Variants in WRN observed in about 807,000 individuals in gnomAD.
The protein encoded by WRN is bifunctional 3'-5' exonuclease/ATP-dependent helicase WRN.
Under a neutral mutation model 180.7 loss-of-function variants are expected in WRN, and 149 were observed. That is an observed-to-expected ratio of 0.82 (90% confidence interval 0.72 to 0.94). WRN has a LOEUF of 0.94. Ranked by LOEUF, WRN falls within the 40% of genes least tolerant of loss-of-function variation. The pLI is 0.00. For synonymous variants in WRN, 548 were observed against 568.9 expected (o/e 0.96, Z 0.52); for missense variants, 1,661 against 1,700.1 (o/e 0.98, Z 0.40).
intron 32 of WRN, among the ~76,000 whole-genome samples, chr8:31,155,347 G>A (rs918774850): frequency 2.6e-5 from 4 of 152,202 alleles, no homozygotes; most frequent in African/African-American, 9.7e-5. Context: ...CGTAGGCCGG[G>A]TGTGGTGGCT....
chr8:31,078,589 TTAAAA>T (rs1341407790), intron 8 of WRN, among the ~76,000 whole-genome samples: 2 of 152,190 alleles, frequency 1.3e-5, no homozygotes, highest in East Asian at 1.9e-4. Flanking sequence ...CTAAGAACTC[TTAAAA>T]TAGAACGGTT....
At chr8:31,123,266 C>G (rs754451299) in intron 21 of WRN, among the ~76,000 whole-genome samples, 1 of 151,982 alleles carries the variant, frequency 6.6e-6, no homozygotes, top group Non-Finnish European at 1.5e-5. Flanking sequence ...TTAAGAATGA[C>G]CCCAAAGCAC....
intron 33 of WRN, among the ~76,000 whole-genome samples, chr8:31,158,821 C>T (rs539375595): frequency 2.6e-5 from 4 of 152,096 alleles, no homozygotes; most frequent in South Asian, 2.1e-4. Context: ...AGGACAGACA[C>T]GGAGGCAAGT....
Position 31,090,823 on chromosome 8 carries a change from T to A in WRN, c.1721-11T>A, listed in dbSNP as rs764035310. Reference sequence around the variant, plus strand: ...TTTTTCATTTTATTTTTATATTTTTTTCATTTCAAGGATATGGAAAGAGTT... The same window carrying A: ...TTTTTCATTTTATTTTTATATTTTTATCATTTCAAGGATATGGAAAGAGTT... On this transcript the variant is annotated splice_polypyrimidine_tract_variant and intron_variant, in intron 14 of 34. Transcript: ENST00000298139. The A allele has an allele frequency of 1.3e-6, 2 of 1,589,082 alleles. No homozygotes were observed. Among genetic ancestry groups the A allele is most frequent in the Admixed American group, 3.4e-5 (2 of 58,662 alleles).
intron 3 of WRN, among the ~76,000 whole-genome samples, chr8:31,063,264 C>T (rs1812560869): frequency 6.6e-6 from 1 of 152,152 alleles, no homozygotes; most frequent in Non-Finnish European, 1.5e-5. Flanking sequence ...TTTTACTCAA[C>T]ACTACGTTTT....
At chr8:31,060,884 C>T (rs527445939) in intron 3 of WRN, among the ~76,000 whole-genome samples, 1 of 152,294 alleles carries the variant, frequency 6.6e-6, no homozygotes, top group South Asian at 2.1e-4. Context: ...CTCCTCTGGA[C>T]ACTTTAAATT....
intron 1 of WRN, among the ~76,000 whole-genome samples, chr8:31,052,084 C>T (rs1349750612): frequency 2.0e-5 from 3 of 152,172 alleles, no homozygotes; most frequent in Non-Finnish European, 4.4e-5. Flanking sequence ...ATCATCTGGC[C>T]TGTAAGGCCT....
At chr8:31,140,881 G>T (rs893029792) in intron 24 of WRN, among the ~76,000 whole-genome samples, 1 of 151,830 alleles carries the variant, frequency 6.6e-6, no homozygotes, top group Non-Finnish European at 1.5e-5. Context: ...TCAGCCTCCC[G>T]AGCAGCTGGG....
intron 1 of WRN, among the ~76,000 whole-genome samples, chr8:31,038,782 C>G (rs2262638): frequency 0.078 from 11,890 of 152,174 alleles, 639 homozygotes; most frequent in East Asian, 0.23. Flanking sequence ...CAACTTCACT[C>G]TTTTCCATAT....
intron 3 of WRN, among the ~76,000 whole-genome samples, chr8:31,063,747 A>G (rs1309922950): frequency 6.6e-6 from 1 of 152,176 alleles, no homozygotes; most frequent in African/African-American, 2.4e-5. Flanking sequence ...TCTTAGAGAC[A>G]GGGTCTTGAA....
intron 17 of WRN, among the ~76,000 whole-genome samples, chr8:31,099,329 G>A (rs879720340): frequency 2.6e-5 from 4 of 151,392 alleles, no homozygotes; most frequent in Admixed American, 6.6e-5. Context: ...GCATGAACCC[G>A]GGAGGCAGAG....
At chr8:31,143,715 T>G in intron 28 of WRN, 92 bp downstream of exon 28, 1 of 896,398 alleles carries the variant, frequency 1.1e-6, no homozygotes, top group South Asian at 1.5e-5. Flanking sequence ...GGCTATTTCA[T>G]TGGCAAAAGG....
rs1801766183 is a variant in WRN, at chr8:31,122,665, T to C, written c.2631-1857T>C. Among the ~76,000 whole-genome samples the C allele has an allele frequency of 5.3e-5, 8 of 152,094 alleles. 1 individual carries two copies. In the South Asian group the frequency reaches 1.7e-3, roughly 32 times the overall value. ...ATTTTTTTAATTTTCAAGTTGTTTT[T>C]ATTCTGTGGAATACTGGACTTATTT... On this transcript the variant is annotated intron_variant, in intron 21 of 34. Transcript: ENST00000298139.
chr8:31,167,480 C>T (rs1803946948), intron 34 of WRN, among the ~76,000 whole-genome samples: 1 of 152,090 alleles, frequency 6.6e-6, no homozygotes, highest in Admixed American at 6.6e-5. Flanking sequence ...ACCTGTACCT[C>T]ATATTGACCG....
chr8:31,096,329 A>C (rs1207629945), intron 16 of WRN, among the ~76,000 whole-genome samples: 1 of 152,148 alleles, frequency 6.6e-6, no homozygotes, highest in Non-Finnish European at 1.5e-5. Flanking sequence ...CTCTGTAAAT[A>C]TTTTGCCCCA....
rs1038655830 is a variant in WRN at position 31,085,468 on chromosome 8, CT to C, written c.1431+236del. On this transcript the variant is annotated intron_variant, in intron 11 of 34. Coordinates refer to ENST00000298139, the MANE Select transcript of WRN (RefSeq NM_000553.6). ...TTTAATTGTGCTTTCTTTGTTCCTT[CT>C]TTTTTTTTTTTTTATTTTGAGACAG... 7.9e-3 allele frequency among the ~76,000 whole-genome samples: 1,116 copies of C among 142,144 alleles called. 7 individuals carry two copies. The highest frequency in any genetic ancestry group is 0.018 in the African/African-American group (696 of 39,086). The allele number at this position is 142,144 out of a possible 152,430, so 93.3% of individuals were successfully genotyped here.
intron 32 of WRN, among the ~76,000 whole-genome samples, chr8:31,157,046 A>G (rs1029888763): frequency 1.3e-5 from 2 of 152,228 alleles, no homozygotes; most frequent in Non-Finnish European, 2.9e-5. Flanking sequence ...TGTGACAACT[A>G]TTAGACTTAC....
intron 17 of WRN, among the ~76,000 whole-genome samples, chr8:31,097,904 T>A (rs144133417): frequency 1.3e-5 from 2 of 152,332 alleles, no homozygotes; most frequent in African/African-American, 4.8e-5. Context: ...TTTTTCAATA[T>A]CATATGATCT....
chr8:31,150,639 A>G (rs1381959906), intron 31 of WRN, among the ~76,000 whole-genome samples, 184 bp downstream of exon 31: 1 of 152,230 alleles, frequency 6.6e-6, no homozygotes, highest in Non-Finnish European at 1.5e-5. Flanking sequence ...ATCTACTTTT[A>G]AAGATGATAC....
Sources: allele counts gnomAD v4.1 joint callset (sites outside exome capture counted in the v4.1 genomes callset), GRCh38; gene constraint gnomAD v4.1.1; transcripts MANE v1.5; gene names NCBI Gene and HGNC (gene_info 2026-07-23, HGNC 2026-07-21).